The following ABCA13 variants were observed in gnomAD, a reference collection of about 807,000 sequenced individuals.
The protein encoded by ABCA13 is ATP-binding cassette sub-family A member 13.
A neutral mutation model predicts 478.7 loss-of-function variants in ABCA13; 476 were observed. The observed-to-expected ratio is 0.99, with a 90% CI of 0.92 to 1.07. ABCA13 has a LOEUF of 1.07. Among genes scored for constraint, ABCA13 ranks in the 50% least tolerant of loss-of-function variants. ABCA13 has a pLI of 0.00. For missense variants in ABCA13, 6,060 were observed against 5,910.6 expected (o/e 1.03, Z -0.83); for synonymous variants, 2,252 against 2,158.9 (o/e 1.04, Z -1.20).
At chr7:48,400,213 G>T (rs1216239717) in intron 38 of ABCA13, among the ~76,000 whole-genome samples, 1 of 151,938 alleles carries the variant, frequency 6.6e-6, no homozygotes, top group African/African-American at 2.4e-5. Flanking sequence ...ATAATTTCTT[G>T]CCTGTCTTTT....
chr7:48,517,255 C>T lies in ABCA13; in HGVS notation c.13797+374C>T, dbSNP rs141057824. ...AACATGCCCTCTCAATGTTCACCAT[C>T]GTTTGGGTCAGACACTACAAGATAG... is the stretch of plus-strand genomic sequence containing the variant. On this transcript the variant is annotated intron_variant, in intron 52 of 61. Transcript: ENST00000435803. 1.7e-3 allele frequency among the ~76,000 whole-genome samples: 265 copies of T among 152,216 alleles called. 1 individual carries two copies. The highest frequency in any genetic ancestry group is 6.1e-3 in the African/African-American group (255 of 41,526).
At chr7:48,319,755 C>T (rs561703746) in intron 27 of ABCA13, among the ~76,000 whole-genome samples, 1 of 152,270 alleles carries the variant, frequency 6.6e-6, no homozygotes, top group South Asian at 2.1e-4. Context: ...TTTTGGTCCC[C>T]CTTTTCCTAA....
intron 29 of ABCA13, among the ~76,000 whole-genome samples, chr7:48,350,296 T>G (rs1053878174): frequency 6.6e-6 from 1 of 152,196 alleles, no homozygotes; most frequent in African/African-American, 2.4e-5. Context: ...CCCTGAACTC[T>G]CTGTGAGAGG....
Position 48,272,136 on chromosome 7 carries a change from G to A in ABCA13, c.2470G>A (p.Glu824Lys). 6.2e-7 allele frequency: 1 copy of A among 1,613,258 alleles called. No individual in the cohort carries two copies. Among genetic ancestry groups the A allele is most frequent in the Non-Finnish European group, 8.5e-7 (1 of 1,179,520 alleles). Reference sequence around the variant, plus strand: ...ACCAAAAAATCTTTTGAGATTCATAGAATTAATACTTTTTGAAATTAATCC... The same window carrying A: ...ACCAAAAAATCTTTTGAGATTCATAAAATTAATACTTTTTGAAATTAATCC... ...KEPKNLLRFI[E>K]LILFEINPKL... The change falls in exon 17 of 62, where the codon GAA becomes AAA. Residue 824 changes from glutamate to lysine, a missense_variant. By Grantham distance (56) the Glu-to-Lys change is moderately conservative (BLOSUM62 1). This residue lies in a region of ABCA13 where 4,423 missense variants were observed against 4,309.1 expected (regional missense o/e 1.03). Transcript: ENST00000435803.
chr7:48,607,448 C>T (rs987957122), intron 58 of ABCA13, among the ~76,000 whole-genome samples: 3 of 152,246 alleles, frequency 2.0e-5, no homozygotes, highest in South Asian at 2.1e-4. Context: ...CCTTCTGCGT[C>T]GATCTCTCTG....
chr7:48,623,074 G>T (rs1357147812), intron 59 of ABCA13, among the ~76,000 whole-genome samples: 1 of 152,126 alleles, frequency 6.6e-6, no homozygotes, highest in Non-Finnish European at 1.5e-5. Context: ...CACCATTTCC[G>T]CTTCCTTCCT....
intron 56 of ABCA13, among the ~76,000 whole-genome samples, chr7:48,581,061 A>G (rs565052453): frequency 6.6e-6 from 1 of 152,364 alleles, no homozygotes; most frequent in East Asian, 1.9e-4. Flanking sequence ...GTGAGCCACC[A>G]AAATTGCAGT....
At chr7:48,324,136 T>C (rs1803945317) in intron 27 of ABCA13, among the ~76,000 whole-genome samples, 1 of 152,182 alleles carries the variant, frequency 6.6e-6, no homozygotes, top group Non-Finnish European at 1.5e-5. Flanking sequence ...GTACCACAGA[T>C]TGAGTGGCTT....
intron 15 of ABCA13, among the ~76,000 whole-genome samples, chr7:48,259,315 T>C (rs1335979287): frequency 2.0e-5 from 3 of 152,212 alleles, no homozygotes; most frequent in Non-Finnish European, 4.4e-5. Context: ...GTAGGATAGC[T>C]AGGTCTTCTT....
chr7:48,337,183 C>T (rs537179064), intron 28 of ABCA13, among the ~76,000 whole-genome samples: 70 of 152,134 alleles, frequency 4.6e-4, no homozygotes, highest in African/African-American at 1.6e-3. Flanking sequence ...TTGTAGTAGT[C>T]GATGTGTATG....
rs71006559 is a variant in ABCA13, at chr7:48,232,139, A to ATTTTTTTTTTTTTTTTTTTTTTTTTT, written c.764-1854_764-1853insTTTTTTTTTTTTTTTTTTTTTTTTTT. 6.8e-4 allele frequency among the ~76,000 whole-genome samples: 35 copies of ATTTTTTTTTTTTTTTTTTTTTTTTTT among 51,300 alleles called. 7 individuals carry two copies. The highest frequency in any genetic ancestry group is 1.4e-3 in the Admixed American group (6 of 4,306). The allele number at this position is 51,300 out of a possible 152,430, so 33.7% of individuals were successfully genotyped here. On this transcript the variant is annotated intron_variant, in intron 7 of 61. Transcript: ENST00000435803. Reference sequence around the variant, plus strand: ...CTCAGCACAGTGAGACCCACATGGAATTTTTTTTTTTTTTTTTTTTTTTTT... The same window carrying ATTTTTTTTTTTTTTTTTTTTTTTTTT: ...CTCAGCACAGTGAGACCCACATGGAATTTTTTTTTTTTTTTTTTTTTTTTTTTTTTTTTTTTTTTTTTTTTTTTTTT...
intron 38 of ABCA13, among the ~76,000 whole-genome samples, chr7:48,398,291 A>G (rs1034322603): frequency 2.0e-5 from 3 of 152,170 alleles, no homozygotes; most frequent in Non-Finnish European, 4.4e-5. Flanking sequence ...ACACCTAACA[A>G]TGCTACATTT....
chr7:48,507,992 G>A lies in ABCA13; in HGVS notation c.13467G>A (p.Gln4489=), dbSNP rs1160448364. Residue 4489 remains glutamine (Q), a synonymous_variant, in exon 50 of 62, where the codon CAG becomes CAA. Transcript: ENST00000435803. The part of the protein sequence containing the change: ...RDRVIGAKRL[Q]HISGLGYRMY... Reference sequence around the variant, plus strand: ...GGGTGATTGGAGCCAAAAGGTTGCAGCACATAAGTGGCCTTGGCTACAGGA... The same window carrying A: ...GGGTGATTGGAGCCAAAAGGTTGCAACACATAAGTGGCCTTGGCTACAGGA... 1.9e-6 allele frequency: 3 copies of A among 1,613,742 alleles called. No homozygotes were observed. The highest frequency in any genetic ancestry group is 2.5e-6 in the Non-Finnish European group (3 of 1,179,844).
intron 59 of ABCA13, among the ~76,000 whole-genome samples, chr7:48,642,857 GGT>G (rs1482899554): frequency 6.6e-6 from 1 of 152,102 alleles, no homozygotes; most frequent in Non-Finnish European, 1.5e-5. Context: ...ACAAGTGCCT[GGT>G]AATTACATAT....
chr7:48,333,421 C>G (rs1027253913), intron 27 of ABCA13, among the ~76,000 whole-genome samples: 1 of 152,108 alleles, frequency 6.6e-6, no homozygotes, highest in African/African-American at 2.4e-5. Flanking sequence ...CCAGGTTATT[C>G]CAATATCTGA....
chr7:48,251,610 G>A (rs2049514), intron 15 of ABCA13, among the ~76,000 whole-genome samples: 19,147 of 152,016 alleles, frequency 0.13, 1,239 homozygotes, highest in South Asian at 0.18. Context: ...CACTGTCACA[G>A]AAATATAACT....
intron 44 of ABCA13, 142 bp from the exon 45 acceptor site, chr7:48,471,387 CA>C (rs1433020024): frequency 4.2e-6 from 3 of 719,086 alleles, no homozygotes; most frequent in Non-Finnish European, 7.0e-6. Context: ...GCTGTGAAAA[CA>C]AATGTAAGAG....
In ABCA13 at chr7:48,507,863, C is replaced by A; in HGVS notation, c.13347-9C>A. On this transcript the variant is annotated splice_polypyrimidine_tract_variant and intron_variant, in intron 49 of 61. Coordinates refer to ENST00000435803, the MANE Select transcript of ABCA13 (RefSeq NM_152701.5). ...CAGGTGCCTGAGAGCTGCTCTGTTC[C>A]ACCCGCAGCCTGGAGAGCATCCGTC... The A allele has an allele frequency of 1.3e-6, 2 of 1,597,610 alleles. No homozygotes were observed. Among genetic ancestry groups the A allele is most frequent in the Non-Finnish European group, 8.5e-7 (1 of 1,171,226 alleles).
At chr7:48,502,177 C>T (rs1048587356) in intron 48 of ABCA13, among the ~76,000 whole-genome samples, 2 of 152,214 alleles carry the variant, frequency 1.3e-5, no homozygotes, top group East Asian at 1.9e-4. Flanking sequence ...GGGTCTGGCA[C>T]GTTGGGGAAT....
Sources: allele counts gnomAD v4.1 joint callset (sites outside exome capture counted in the v4.1 genomes callset), GRCh38; gene constraint gnomAD v4.1.1; regional missense constraint gnomAD v4.1.1; transcripts MANE v1.5; gene names NCBI Gene and HGNC (gene_info 2026-07-23, HGNC 2026-07-21).